LCLAT1: variants seen among roughly 807,000 people sequenced by gnomAD.
The protein encoded by LCLAT1 is lysocardiolipin acyltransferase 1, also known as 1-AGP acyltransferase 8.
In LCLAT1, 11 loss-of-function variants were observed where a neutral mutation model predicts 30.7. The ratio of observed to expected loss-of-function variants is 0.36; its 90% confidence interval spans 0.23 to 0.59. The LOEUF (loss-of-function observed/expected upper bound fraction) is 0.59, where lower values mean the gene tolerates loss of function less well. LCLAT1 is among the 20% of genes least tolerant of loss of function. The pLI, the probability that LCLAT1 is intolerant of heterozygous loss-of-function variation, is 0.77. For synonymous variants in LCLAT1, 155 were observed against 151.3 expected (o/e 1.02, Z -0.18); for missense variants, 402 against 458.6 (o/e 0.88, Z 1.13).
intron 3 of LCLAT1, among the ~76,000 whole-genome samples, chr2:30,539,158 C>T: frequency 6.6e-6 from 1 of 151,332 alleles, no homozygotes; most frequent in African/African-American, 2.4e-5. Context: ...TGGGGTTTCA[C>T]CATTTTGGCC....
At chr2:30,476,898 C>G (rs1298105046) in intron 1 of LCLAT1, among the ~76,000 whole-genome samples, 1 of 152,198 alleles carries the variant, frequency 6.6e-6, no homozygotes, top group Admixed American at 6.5e-5. Context: ...CCTCTTTACA[C>G]TGTCATACTT....
chr2:30,492,827 C>G (rs1008217915), intron 1 of LCLAT1, among the ~76,000 whole-genome samples: 11 of 152,240 alleles, frequency 7.2e-5, no homozygotes, highest in African/African-American at 2.4e-4. Context: ...AATAACTTGA[C>G]AGTTGTTTAT....
chr2:30,622,146 C>T (rs949880989), intron 5 of LCLAT1, among the ~76,000 whole-genome samples: 2 of 152,086 alleles, frequency 1.3e-5, no homozygotes, highest in Non-Finnish European at 2.9e-5. Context: ...GTCACTGTTC[C>T]CTGGCGACCT....
At chr2:30,486,572 AG>A (rs1267036151) in intron 1 of LCLAT1, among the ~76,000 whole-genome samples, 1 of 152,046 alleles carries the variant, frequency 6.6e-6, no homozygotes, top group Non-Finnish European at 1.5e-5. Context: ...CCTCCTTCCC[AG>A]TTATGTGCCA....
intron 3 of LCLAT1, among the ~76,000 whole-genome samples, chr2:30,549,449 A>G (rs190573963): frequency 6.6e-6 from 1 of 152,214 alleles, no homozygotes; most frequent in African/African-American, 2.4e-5. Flanking sequence ...TATCTAAAAG[A>G]TATGCTTTTA....
chr2:30,527,268 T>G (rs1226272104), intron 2 of LCLAT1, among the ~76,000 whole-genome samples: 1 of 152,188 alleles, frequency 6.6e-6, no homozygotes, highest in Non-Finnish European at 1.5e-5. Flanking sequence ...ATAAAGAAAT[T>G]GGAGTAAATG....
At chr2:30,638,354 A>G (rs1331348154) in intron 5 of LCLAT1, among the ~76,000 whole-genome samples, 1 of 152,214 alleles carries the variant, frequency 6.6e-6, no homozygotes, top group Non-Finnish European at 1.5e-5. Context: ...TTTTTCTGAC[A>G]TATGTAAGCA....
rs551080893 is a variant in LCLAT1, at chr2:30,456,081, A to T, written c.-5+8698A>T. On this transcript the variant is annotated intron_variant, in intron 1 of 5. Coordinates refer to ENST00000379509, the MANE Select transcript of LCLAT1 (RefSeq NM_001002257.3). ...GCTTTATTCAATTTCTTTAACAGTT[A>T]TTAGGGCTATTCACATAATCCATTT... Among the ~76,000 whole-genome samples the T allele has an allele frequency of 2.0e-5, 3 of 152,276 alleles. No homozygotes were observed. In the East Asian group the frequency reaches 5.8e-4, roughly 29 times the overall value.
chr2:30,610,024 G>A (rs1414159785), intron 5 of LCLAT1, among the ~76,000 whole-genome samples: 1 of 152,184 alleles, frequency 6.6e-6, no homozygotes, highest in East Asian at 1.9e-4. Context: ...GGCAATGACC[G>A]ATTTTTGAAG....
intron 5 of LCLAT1, among the ~76,000 whole-genome samples, chr2:30,569,248 C>T (rs1665663281): frequency 6.6e-6 from 1 of 152,122 alleles, no homozygotes; most frequent in Non-Finnish European, 1.5e-5. Context: ...TGATATCGCA[C>T]CCATTTAAAT....
chr2:30,530,971 A>G lies in LCLAT1; in HGVS notation c.166-2145A>G, dbSNP rs114537489. On this transcript the variant is annotated intron_variant, in intron 2 of 5. Transcript: ENST00000379509. Reference sequence around the variant, plus strand: ...GAGGTTTGGAATTTATAGGCTTAAGATTTTTAACTCTTGGCCGGGCACGGT... The same window carrying G: ...GAGGTTTGGAATTTATAGGCTTAAGGTTTTTAACTCTTGGCCGGGCACGGT... Among the ~76,000 whole-genome samples the G allele has an allele frequency of 6.6e-3, 1,012 of 152,274 alleles. 10 individuals are homozygous for G. The highest frequency in any genetic ancestry group is 0.023 in the African/African-American group (960 of 41,576).
At chr2:30,639,421 G>A (rs897159134) in intron 5 of LCLAT1, among the ~76,000 whole-genome samples, 3 of 151,900 alleles carry the variant, frequency 2.0e-5, no homozygotes, top group Admixed American at 1.3e-4. Context: ...TTAAATTCAG[G>A]ATGACAGGAT....
At chr2:30,544,276 A>T (rs894343606) in intron 3 of LCLAT1, among the ~76,000 whole-genome samples, 4 of 152,174 alleles carry the variant, frequency 2.6e-5, no homozygotes, top group African/African-American at 9.7e-5. Flanking sequence ...TTCTACAGGG[A>T]TGATTTGACC....
intron 1 of LCLAT1, among the ~76,000 whole-genome samples, chr2:30,503,858 C>T (rs1056146629): frequency 2.0e-5 from 3 of 152,196 alleles, no homozygotes; most frequent in African/African-American, 7.2e-5. Context: ...CCTAGCTTGA[C>T]TGAGCACTGT....
chr2:30,631,645 A>C (rs1668776418), intron 5 of LCLAT1, among the ~76,000 whole-genome samples: 1 of 152,160 alleles, frequency 6.6e-6, no homozygotes, highest in Non-Finnish European at 1.5e-5. Context: ...TTTTCCTTTT[A>C]TTTTTAATGC....
chr2:30,588,550 C>T (rs1051202463), intron 5 of LCLAT1, among the ~76,000 whole-genome samples: 11 of 151,998 alleles, frequency 7.2e-5, no homozygotes, highest in African/African-American at 2.7e-4. Flanking sequence ...CTCTTTGTGC[C>T]TTAGTTTTGT....
At chr2:30,563,052 A>G (rs545178729) in intron 4 of LCLAT1, among the ~76,000 whole-genome samples, 1 of 151,242 alleles carries the variant, frequency 6.6e-6, no homozygotes, top group Non-Finnish European at 1.5e-5. Flanking sequence ...TAAATATTAA[A>G]CTTTTTTTTT....
At chr2:30,617,751 T>G (rs1668062566) in intron 5 of LCLAT1, among the ~76,000 whole-genome samples, 1 of 152,192 alleles carries the variant, frequency 6.6e-6, no homozygotes, top group Non-Finnish European at 1.5e-5. Context: ...AAGTGTTAAT[T>G]TAAGCATCTT....
chr2:30,475,316 T>C (rs1193133415), intron 1 of LCLAT1, among the ~76,000 whole-genome samples: 3 of 152,204 alleles, frequency 2.0e-5, no homozygotes, highest in South Asian at 4.1e-4. Context: ...TGGAAACTTA[T>C]AATTTTCTTT....
Sources: gnomAD v4.1 joint callset for allele counts (sites outside exome capture counted in the v4.1 genomes callset) on GRCh38, gnomAD v4.1.1 for gene constraint, MANE v1.5 for transcripts, NCBI Gene and HGNC (gene_info 2026-07-23, HGNC 2026-07-21) for gene names.